OSBP2: variants seen among roughly 807,000 people sequenced by gnomAD.
OSBP2 encodes the protein oxysterol binding protein 2, also known as oxysterol-binding protein 2.
OSBP2 carries 66 observed loss-of-function variants against 96.0 expected under a neutral mutation model. The observed-to-expected ratio is 0.69, with a 90% CI of 0.56 to 0.84. The LOEUF (loss-of-function observed/expected upper bound fraction) is 0.84, where lower values mean the gene tolerates loss of function less well. OSBP2 is among the 40% of genes least tolerant of loss of function. The pLI is 0.00. For missense variants in OSBP2, 1,038 were observed against 1,222.7 expected (o/e 0.85, Z 2.25); for synonymous variants, 525 against 520.9 (o/e 1.01, Z -0.11).
chr22:30,745,427 A>G (rs998684331), intron 2 of OSBP2, among the ~76,000 whole-genome samples: 4 of 152,190 alleles, frequency 2.6e-5, no homozygotes, highest in Admixed American at 2.0e-4. Context: ...TGGGAGGCCA[A>G]GGTGGGCAGA....
Position 30,881,170 on chromosome 22 carries a change from C to A in OSBP2, c.1108-6256C>A, listed in dbSNP as rs2039695175. Among the ~76,000 whole-genome samples the A allele has an allele frequency of 1.3e-5, 2 of 152,298 alleles. No individual in the cohort carries two copies. The highest frequency in any genetic ancestry group is 2.1e-4 in the South Asian group (1 of 4,830). Reference sequence around the variant, plus strand: ...CCCTCTGCATCTCAGAGCACCCATACCCCCAACACCCCTTTCACCAGAACC... The same window carrying A: ...CCCTCTGCATCTCAGAGCACCCATAACCCCAACACCCCTTTCACCAGAACC... On this transcript the variant is annotated intron_variant, in intron 3 of 13. Coordinates refer to ENST00000332585, the MANE Select transcript of OSBP2 (RefSeq NM_030758.4). This position sits in a 1 kb window ranked among gnomAD's most constrained non-coding sequence, Gnocchi z 4.5.
At chr22:30,826,407 G>A (rs548003573) in intron 2 of OSBP2, among the ~76,000 whole-genome samples, 1 of 152,282 alleles carries the variant, frequency 6.6e-6, no homozygotes, top group East Asian at 1.9e-4. Context: ...GCCCAGTCCA[G>A]CCTCCCTCTG....
At chr22:30,904,688 A>G (rs905347530) in intron 12 of OSBP2, among the ~76,000 whole-genome samples, 6 of 152,204 alleles carry the variant, frequency 3.9e-5, no homozygotes, top group Admixed American at 3.9e-4. Flanking sequence ...CAGTTATACA[A>G]CCTTGCACTC....
At position 30,906,568 on chromosome 22, in the gene OSBP2, C is replaced by T; in HGVS notation, c.*229C>T. 2 of 465,400 alleles carry T rather than the reference C, an allele frequency of 4.3e-6. No individual in the cohort carries two copies. Among genetic ancestry groups the T allele is most frequent in the Middle Eastern group, 1.1e-3 (2 of 1,780 alleles). The allele number at this position is 465,400 out of a possible 1,614,324, so 28.8% of individuals were successfully genotyped here. On this transcript the variant is annotated 3_prime_UTR_variant, in exon 14 of 14. Transcript: ENST00000332585. Reference sequence around the variant, plus strand: ...CAGGTGCGCCGGGTCACCCGTGCCCCTTCATTATGGACCTGGGCCCTACCG... The same window carrying T: ...CAGGTGCGCCGGGTCACCCGTGCCCTTTCATTATGGACCTGGGCCCTACCG...
chr22:30,814,618 G>A (rs985513756), intron 2 of OSBP2, among the ~76,000 whole-genome samples: 1 of 151,784 alleles, frequency 6.6e-6, no homozygotes, highest in Admixed American at 6.6e-5. Flanking sequence ...TAGTAGAGAT[G>A]GGGTTCCACC....
intron 1 of OSBP2, among the ~76,000 whole-genome samples, chr22:30,730,774 C>CTCTCTCTCTA (rs1569100458): frequency 3.6e-4 from 5 of 13,840 alleles, no homozygotes; most frequent in Non-Finnish European, 5.4e-4. Context: ...CTCTCTCTCT[C>CTCTCTCTCTA]TATATATATA....
chr22:30,765,012 A>G (rs147858766), intron 2 of OSBP2, among the ~76,000 whole-genome samples: 5 of 152,266 alleles, frequency 3.3e-5, no homozygotes, highest in African/African-American at 1.2e-4. Flanking sequence ...TCCGATGGTC[A>G]TATGGCACCT....
rs567862972 is a variant in OSBP2 at position 30,871,455 on chromosome 22, C to G, written c.1107+773C>G. On this transcript the variant is annotated intron_variant, in intron 3 of 13. Transcript: ENST00000332585. The surrounding 1 kb of genome is among the most constrained non-coding windows in gnomAD (Gnocchi z 4.7). ...TGACTGCAACAGCCTCCTCCCAGGA[C>G]AGTCCCCCAGGGCGGCACATCTGGG... Among the ~76,000 whole-genome samples, 10 of 152,338 alleles carry G rather than the reference C, an allele frequency of 6.6e-5. No individual in the cohort carries two copies. In the South Asian group the frequency reaches 1.2e-3, roughly 19 times the overall value.
intron 2 of OSBP2, among the ~76,000 whole-genome samples, chr22:30,757,725 T>C (rs1349101241): frequency 6.6e-6 from 1 of 152,156 alleles, no homozygotes; most frequent in Non-Finnish European, 1.5e-5. Flanking sequence ...GCCTTATTGC[T>C]GTTTTGTCAC....
intron 12 of OSBP2, among the ~76,000 whole-genome samples, chr22:30,895,696 T>C (rs755356412): frequency 6.6e-6 from 1 of 152,128 alleles, no homozygotes; most frequent in Non-Finnish European, 1.5e-5. Context: ...CCCAACACTT[T>C]GGGAGGCCGA....
intron 2 of OSBP2, among the ~76,000 whole-genome samples, chr22:30,788,571 C>G (rs1160460705): frequency 6.6e-6 from 1 of 152,198 alleles, no homozygotes; most frequent in Non-Finnish European, 1.5e-5. Flanking sequence ...AGAGCTCCCA[C>G]AATTACATGT....
chr22:30,863,331 G>C (rs1239499436), intron 2 of OSBP2, among the ~76,000 whole-genome samples: 1 of 152,156 alleles, frequency 6.6e-6, no homozygotes, highest in African/African-American at 2.4e-5. Flanking sequence ...CCAACCACAC[G>C]GGCTGGGAAT....
Position 30,783,635 on chromosome 22 carries a change from T to C in OSBP2, c.853+42266T>C, listed in dbSNP as rs149941353. Among the ~76,000 whole-genome samples, 434 of 152,242 alleles carry C rather than the reference T, an allele frequency of 2.9e-3. 13 individuals carry two copies. The East Asian group carries it at 0.069, about 24-fold the overall frequency. On this transcript the variant is annotated intron_variant, in intron 2 of 13. Coordinates refer to ENST00000332585, the MANE Select transcript of OSBP2 (RefSeq NM_030758.4). ...CTACGCCAGGCCAGAGAGCATATTT[T>C]GTCTAAACATAAATTAATAACTGCA...
At chr22:30,864,128 G>T (rs2039281806) in intron 2 of OSBP2, among the ~76,000 whole-genome samples, 1 of 152,010 alleles carries the variant, frequency 6.6e-6, no homozygotes, top group African/African-American at 2.4e-5. Context: ...CCACCACCAT[G>T]CCCAGCTAAT....
intron 2 of OSBP2, among the ~76,000 whole-genome samples, chr22:30,752,750 A>G (rs374417825): frequency 2.0e-5 from 3 of 152,106 alleles, no homozygotes; most frequent in African/African-American, 7.2e-5. Flanking sequence ...AAGAACATAG[A>G]CTTTCCCAAG....
intron 2 of OSBP2, among the ~76,000 whole-genome samples, chr22:30,787,437 C>G (rs2090608025): frequency 6.6e-6 from 1 of 152,028 alleles, no homozygotes; most frequent in African/African-American, 2.4e-5. Flanking sequence ...CTTTGGGAGG[C>G]CGAGGCAGGT....
intron 2 of OSBP2, chr22:30,764,114 G>A: frequency 3.0e-6 from 1 of 334,696 alleles, no homozygotes; most frequent in Non-Finnish European, 4.3e-6. Context: ...TTCACTTCTG[G>A]GGGGCTAGCC....
rs754249899 is a variant in OSBP2, at chr22:30,890,947, A to G, written c.1843A>G (p.Met615Val). ...CTTCGAGCTGGACCGCCTCGACGAC[A>G]TGGGCCTGCGCTCCCTCTGTGAGCA... ...ETFELDRLDD[M>V]GLRSLCEQVS... Residue 615 changes from methionine (M) to valine (V), a missense_variant, in exon 8 of 14, where the codon ATG becomes GTG. Physicochemically the swap from Met to Val is conservative, Grantham distance 21 (BLOSUM62 1). Coordinates refer to ENST00000332585, the MANE Select transcript of OSBP2 (RefSeq NM_030758.4). This position sits in a 1 kb window ranked among gnomAD's most constrained non-coding sequence, Gnocchi z 4.4. 2 of 1,609,962 alleles carry G rather than the reference A, an allele frequency of 1.2e-6. No homozygotes were observed. The highest frequency in any genetic ancestry group is 1.7e-6 in the Non-Finnish European group (2 of 1,179,974).
intron 2 of OSBP2, among the ~76,000 whole-genome samples, chr22:30,861,795 TCAGGGGCGCTGCTCCTGCTCC>T (rs2039216385): frequency 1.3e-5 from 2 of 152,170 alleles, no homozygotes; most frequent in African/African-American, 4.8e-5. Flanking sequence ...TGGCTGTGCC[TCAGGGGCGCTGCTCCTGCTCC>T]CAGGGGCCCT....
Sources: gnomAD v4.1 joint callset for allele counts (sites outside exome capture counted in the v4.1 genomes callset) on GRCh38, gnomAD v4.1.1 for gene constraint, Gnocchi (gnomAD v3.1) non-coding constraint, MANE v1.5 for transcripts, NCBI Gene and HGNC (gene_info 2026-07-23, HGNC 2026-07-21) for gene names.